CDK17: variants seen among roughly 807,000 people sequenced by gnomAD.
CDK17 encodes cyclin dependent kinase 17.
A neutral mutation model predicts 77.6 loss-of-function variants in CDK17; 24 were observed. The ratio of observed to expected loss-of-function variants is 0.31; its 90% CI spans 0.22 to 0.44. CDK17 has a LOEUF of 0.44. Ranked by LOEUF, CDK17 falls within the 20% of genes least tolerant of loss-of-function variation. The probability of loss-of-function intolerance (pLI) is 1.00; values close to 1 mark genes in which losing one functional copy is unlikely to be tolerated. For synonymous variants in CDK17, 203 were observed against 210.4 expected, an observed-to-expected ratio of 0.96 and a Z score of 0.30; for missense variants, 429 against 622.5, an observed-to-expected ratio of 0.69 and a Z score of 3.31.
chr12:96,299,116 C>T, intron 6 of CDK17, 133 bp from the exon 7 acceptor site: 1 of 552,518 alleles, frequency 1.8e-6, no homozygotes, highest in South Asian at 2.7e-5. Context: ...AAGAAAAACA[C>T]ACAATGATCA....
intron 1 of CDK17, among the ~76,000 whole-genome samples, chr12:96,383,413 A>AAAC (rs948947061): frequency 6.6e-6 from 1 of 151,734 alleles, no homozygotes; most frequent in African/African-American, 2.4e-5. Flanking sequence ...AGAAAAAAAA[A>AAAC]AAAAACTCTT....
At chr12:96,286,617 A>T in intron 12 of CDK17, 47 bp downstream of exon 12, 3 of 1,266,818 alleles carry the variant, frequency 2.4e-6, no homozygotes, top group East Asian at 2.3e-5. Flanking sequence ...TTATCCAGCT[A>T]GTCAATTATG....
chr12:96,358,425 G>A lies in CDK17; in HGVS notation c.-29-23560C>T, dbSNP rs867155625. ...TAGGGAAAAAAGAATAAAAACAATA[G>A]CATAATTAAAAAGTAAAAGTAGATT... On this transcript the variant is annotated intron_variant, in intron 1 of 16. Coordinates refer to ENST00000261211, the MANE Select transcript of CDK17 (RefSeq NM_002595.5). Among the ~76,000 whole-genome samples the A allele has an allele frequency of 2.5e-3, 288 of 113,608 alleles. 1 individual carries two copies. Among genetic ancestry groups the A allele is most frequent in the African/African-American group, 9.1e-3 (272 of 29,798 alleles). 74.5% of individuals were successfully genotyped at this position (113,608 alleles called of 152,430 possible). A position where few individuals can be genotyped will look rare whatever the true frequency, so the allele number is the denominator to read the frequency against.
At position 96,297,627 on chromosome 12, in the gene CDK17, CA is replaced by C. The variant is rs1453054328; in HGVS notation, c.809del (p.Leu270ArgfsTer5). Reference protein sequence around the residue: ...DKSLTLVFEYLDKDLKQYMDD... With the variant: ...DKSLTLVFEYXDKDLKQYMDD... ...TACTGAATTTTTATGAGATGCTTAC[CA>C]GATACTCAAACACCAAAGTCAAGGA... On this transcript the variant is annotated frameshift_variant and splice_region_variant, in exon 8 of 17. Transcript: ENST00000261211. LOFTEE classifies it high-confidence loss of function. 6.5e-7 allele frequency: 1 copy of C among 1,544,554 alleles called. No individual in the cohort carries two copies. The highest frequency in any genetic ancestry group is 2.2e-5 in the East Asian group (1 of 44,518).
intron 1 of CDK17, among the ~76,000 whole-genome samples, chr12:96,357,042 C>T (rs942021833): frequency 5.9e-5 from 9 of 152,164 alleles, no homozygotes; most frequent in African/African-American, 2.2e-4. Context: ...TTAGAAATGT[C>T]ATCTGATGCT....
rs1458063211 is a variant in CDK17 at position 96,297,504 on chromosome 12, TA to T, written c.810+122del. 17 of 812,446 alleles carry T rather than the reference TA, an allele frequency of 2.1e-5. No homozygotes were observed. The African/African-American group carries it at 2.4e-4, about 12-fold the overall frequency. 50.3% of individuals were successfully genotyped at this position (812,446 alleles called of 1,614,324 possible). On this transcript the variant is annotated intron_variant, in intron 8 of 16. Transcript: ENST00000261211. The stretch of plus-strand genomic sequence containing the variant: ...TAAATAATAAAGTCTCTTGGGCTGT[TA>T]AAAAGTCCAATTTAGCTAAGCACAG...
chr12:96,347,210 T>C (rs916813615), intron 1 of CDK17, among the ~76,000 whole-genome samples: 4 of 152,082 alleles, frequency 2.6e-5, no homozygotes, highest in African/African-American at 7.2e-5. Flanking sequence ...CAATAATAGA[T>C]GGAGACTTCA....
In CDK17 at chr12:96,358,978, CTTT is replaced by C. The variant is rs143122058; in HGVS notation, c.-29-24116_-29-24114del. Among the ~76,000 whole-genome samples, 13 of 141,962 alleles carry C rather than the reference CTTT, an allele frequency of 9.2e-5. No individual in the cohort carries two copies. The East Asian group carries it at 1.2e-3, about 14-fold the overall frequency. 93.1% of individuals were successfully genotyped at this position (141,962 alleles called of 152,430 possible). A position where few individuals can be genotyped will look rare whatever the true frequency, so the allele number is the denominator to read the frequency against. On this transcript the variant is annotated intron_variant, in intron 1 of 16. Transcript: ENST00000261211. ...TTTCCAAAACTGACTGGTCAGATGG[CTTT>C]TTTTTTTTTTTCCTGAAACAAATGG...
chr12:96,377,973 G>T (rs1332531059), intron 1 of CDK17, among the ~76,000 whole-genome samples: 1 of 152,136 alleles, frequency 6.6e-6, no homozygotes, highest in Non-Finnish European at 1.5e-5. Context: ...GATTACAGGC[G>T]TGAGCCACTG....
intron 1 of CDK17, among the ~76,000 whole-genome samples, chr12:96,341,144 G>A (rs1397131982): frequency 6.6e-6 from 1 of 152,098 alleles, no homozygotes; most frequent in Admixed American, 6.6e-5. Flanking sequence ...GATGAATCTG[G>A]AGGCCATCAT....
intron 1 of CDK17, among the ~76,000 whole-genome samples, chr12:96,343,605 C>T (rs926484347): frequency 7.9e-5 from 12 of 152,334 alleles, no homozygotes; most frequent in African/African-American, 2.9e-4. Context: ...ATATCATTGT[C>T]AGGTCACTGA....
At chr12:96,392,724 G>A (rs1000956322) in intron 1 of CDK17, among the ~76,000 whole-genome samples, 3 of 152,150 alleles carry the variant, frequency 2.0e-5, no homozygotes, top group South Asian at 2.1e-4. Context: ...AGGCAATATC[G>A]AGTAGGAAGC....
At chr12:96,379,090 T>C (rs1358005823) in intron 1 of CDK17, among the ~76,000 whole-genome samples, 2 of 152,180 alleles carry the variant, frequency 1.3e-5, no homozygotes, top group Non-Finnish European at 2.9e-5. Context: ...CATAAATACA[T>C]ACTATGAGAC....
intron 3 of CDK17, among the ~76,000 whole-genome samples, chr12:96,319,749 AC>A (rs1262749707): frequency 9.4e-5 from 10 of 106,594 alleles, no homozygotes; most frequent in African/African-American, 3.9e-4. Flanking sequence ...AAATTCAACA[AC>A]CCTTCATGCT....
intron 1 of CDK17, among the ~76,000 whole-genome samples, chr12:96,348,421 G>C (rs779789515): frequency 2.0e-5 from 3 of 150,900 alleles, no homozygotes; most frequent in Admixed American, 6.6e-5. Flanking sequence ...CTACTTGGGA[G>C]GCTGAGGCAG....
intron 1 of CDK17, among the ~76,000 whole-genome samples, chr12:96,347,598 G>A (rs61939062): frequency 0.42 from 19,257 of 46,120 alleles, 3,857 homozygotes; most frequent in East Asian, 0.58. Flanking sequence ...GAGGGGAAGG[G>A]AGGGGAAGGG....
chr12:96,341,365 T>C (rs936712532), intron 1 of CDK17, among the ~76,000 whole-genome samples: 3 of 151,912 alleles, frequency 2.0e-5, no homozygotes. Flanking sequence ...TGTACGTGTG[T>C]GTACTGCAAA....
chr12:96,328,100 G>C (rs144795506), intron 2 of CDK17, among the ~76,000 whole-genome samples: 1 of 152,148 alleles, frequency 6.6e-6, no homozygotes, highest in African/African-American at 2.4e-5. Context: ...TCCACCTCCT[G>C]TCAGATCAGT....
chr12:96,314,916 G>A, intron 3 of CDK17, among the ~76,000 whole-genome samples: 1 of 152,164 alleles, frequency 6.6e-6, no homozygotes, highest in Non-Finnish European at 1.5e-5. Flanking sequence ...CTCAGACACA[G>A]TTGACTACTG....
Sources: allele counts gnomAD v4.1 joint callset (sites outside exome capture counted in the v4.1 genomes callset), GRCh38; gene constraint gnomAD v4.1.1; transcripts MANE v1.5; gene names NCBI Gene and HGNC (gene_info 2026-07-23, HGNC 2026-07-21).